The following MSANTD3 variants were observed in gnomAD, a reference collection of about 807,000 sequenced individuals.
MSANTD3 encodes the protein myb/SANT-like DNA-binding domain-containing protein 3.
Under a neutral mutation model 27.7 loss-of-function variants are expected in MSANTD3, and 11 were observed. The observed-to-expected ratio is 0.40, with a 90% CI of 0.25 to 0.66. The LOEUF (loss-of-function observed/expected upper bound fraction) is 0.66. MSANTD3 is among the 30% of genes least tolerant of loss of function. MSANTD3 has a pLI of 0.41. For synonymous variants in MSANTD3, 131 were observed against 127.2 expected, an observed-to-expected ratio of 1.03 and a Z score of -0.20; for missense variants, 250 against 336.5, an observed-to-expected ratio of 0.74 and a Z score of 2.01.
Position 100,442,079 on chromosome 9 carries a change from T to A in MSANTD3, c.141T>A (p.Arg47=). 6.2e-7 allele frequency: 1 copy of A among 1,614,234 alleles called. No homozygotes were observed. Among genetic ancestry groups the A allele is most frequent in the Non-Finnish European group, 8.5e-7 (1 of 1,180,042 alleles). The change falls in exon 2 of 3, where the codon CGT becomes CGA. Residue 47 remains arginine, a synonymous_variant. Transcript: ENST00000395067. ...CGCGAACTATTGCCCTTAAGCAGCG[T>A]ACCTGGCAGGCGCTGGCCCACGAAT... ...SDARTIALKQ[R]TWQALAHEYN... is the part of the protein sequence containing the mutation.
At chr9:100,447,383 A>G (rs528450068) in intron 2 of MSANTD3, among the ~76,000 whole-genome samples, 4 of 151,918 alleles carry the variant, frequency 2.6e-5, no homozygotes, top group African/African-American at 9.6e-5. Context: ...TTTTTCCTTT[A>G]AAATTTGGAT....
intron 2 of MSANTD3, chr9:100,449,081 A>T: frequency 1.0e-6 from 1 of 985,404 alleles, no homozygotes; most frequent in Non-Finnish European, 1.2e-6. Flanking sequence ...ATGTTAATAA[A>T]TTGGCATTGT....
intron 1 of MSANTD3, among the ~76,000 whole-genome samples, chr9:100,434,957 TACAC>T (rs1222099590): frequency 4.7e-5 from 7 of 149,778 alleles, no homozygotes; most frequent in Non-Finnish European, 8.9e-5. Flanking sequence ...TTGTTATATA[TACAC>T]ACACACCATA....
At chr9:100,438,881 T>C (rs910855410) in intron 1 of MSANTD3, among the ~76,000 whole-genome samples, 4 of 152,216 alleles carry the variant, frequency 2.6e-5, no homozygotes, top group Admixed American at 1.3e-4. Context: ...TATCATTGTA[T>C]GGATATTAGA....
At position 100,442,363 on chromosome 9, in the gene MSANTD3, G is replaced by A. The variant is rs201158889; in HGVS notation, c.418+7G>A. 1.1e-3 allele frequency: 1,836 copies of A among 1,604,192 alleles called. 1 individual carries two copies. Among genetic ancestry groups the A allele is most frequent in the Non-Finnish European group, 1.4e-3 (1,677 of 1,175,930 alleles). ...CCCGACGCCTCAGCCCAAGGTATCC[G>A]TTCCTGATGCCAGTGTGCACGCTCT... On this transcript the variant is annotated splice_region_variant and intron_variant, in intron 2 of 2. Transcript: ENST00000395067.
Position 100,442,260 on chromosome 9 carries a change from AAGG to A in MSANTD3, c.325_327del (p.Glu109del). On this transcript the variant is annotated inframe_deletion, in exon 2 of 3. Transcript: ENST00000395067. ...TCTCCTGAGTACCCACGTCCTAGGG[AAGG>A]AGAAGATCGCCAGCATGCTGCCGGA... The A allele has an allele frequency of 6.2e-7, 1 of 1,614,154 alleles. No homozygotes were observed. The highest frequency in any genetic ancestry group is 8.5e-7 in the Non-Finnish European group (1 of 1,180,030).
chr9:100,450,855 A>G lies in MSANTD3; in HGVS notation c.717A>G (p.Ile239Met). 2 of 1,614,182 alleles carry G rather than the reference A, an allele frequency of 1.2e-6. No individual in the cohort carries two copies. Among genetic ancestry groups the G allele is most frequent in the Non-Finnish European group, 1.7e-6 (2 of 1,180,026 alleles). ...ECEMAEEEHR[I>M]KMEVLNKKKM... The stretch of plus-strand genomic sequence containing the variant: ...AGATGGCAGAGGAGGAACACAGGAT[A>G]AAAATGGAAGTTCTCAATAAAAAGA... The change falls in exon 3 of 3, where the codon ATA becomes ATG. Residue 239 changes from isoleucine to methionine, a missense_variant. By Grantham distance (10) the Ile-to-Met change is conservative. This residue lies in a region of MSANTD3 where 235 missense variants were observed against 299.3 expected (regional missense o/e 0.79). Coordinates refer to ENST00000395067, the MANE Select transcript of MSANTD3 (RefSeq NM_080655.3).
rs1836872152 is a variant in MSANTD3, at chr9:100,450,977, G to A, written c.*11G>A. 1 of 1,556,200 alleles carries A rather than the reference G, an allele frequency of 6.4e-7. No individual in the cohort carries two copies. Among genetic ancestry groups the A allele is most frequent in the African/African-American group, 1.4e-5 (1 of 72,824 alleles). On this transcript the variant is annotated 3_prime_UTR_variant, in exon 3 of 3. Transcript: ENST00000395067. ...CCCAATTCGCCCTAAGACTTTGGGG[G>A]TGGCTCTCTTGTAATTAATCTGTGT...
chr9:100,430,744 C>A (rs1022687709), intron 1 of MSANTD3, among the ~76,000 whole-genome samples: 1 of 152,156 alleles, frequency 6.6e-6, no homozygotes, highest in African/African-American at 2.4e-5. Context: ...TAATTAGTTG[C>A]ATGTGATTGA....
intron 1 of MSANTD3, among the ~76,000 whole-genome samples, chr9:100,433,225 A>G (rs1564246875): frequency 6.6e-6 from 1 of 152,164 alleles, no homozygotes; most frequent in Non-Finnish European, 1.5e-5. Context: ...AGTTTCCTCA[A>G]CTGTAAAGTA....
chr9:100,444,926 AT>A, intron 2 of MSANTD3: 1 of 384,026 alleles, frequency 2.6e-6, no homozygotes, highest in Non-Finnish European at 4.7e-6. Flanking sequence ...TTTATTTTAA[AT>A]TGGATGTTTG....
At chr9:100,436,915 C>T (rs190537822) in intron 1 of MSANTD3, among the ~76,000 whole-genome samples, 292 of 152,290 alleles carry the variant, frequency 1.9e-3, no homozygotes, top group African/African-American at 6.8e-3. Flanking sequence ...AATGATTCTC[C>T]TGCCTCAGCC....
intron 2 of MSANTD3, among the ~76,000 whole-genome samples, chr9:100,443,278 A>G (rs1836673122): frequency 6.6e-6 from 1 of 152,128 alleles, no homozygotes; most frequent in Non-Finnish European, 1.5e-5. Context: ...GCATGCCTGT[A>G]ATCCCAGCTA....
At position 100,427,310 on chromosome 9, in the gene MSANTD3, C is replaced by T. The variant is rs1836266965; in HGVS notation, c.-117C>T. 6.8e-6 allele frequency: 1 copy of T among 146,010 alleles called. No individual in the cohort carries two copies. The highest frequency in any genetic ancestry group is 2.0e-4 in the South Asian group (1 of 4,906). 9.0% of individuals were successfully genotyped at this position (146,010 alleles called of 1,614,324 possible). ...GCCCGCGGCCCTCCCGGCCGCCCTG[C>T]TTGCGAGAGGAGCCCAGGCCGCCCG... On this transcript the variant is annotated 5_prime_UTR_variant, in exon 1 of 3. Transcript: ENST00000395067.
chr9:100,441,691 A>T (rs1007542094), intron 1 of MSANTD3, among the ~76,000 whole-genome samples: 7 of 152,218 alleles, frequency 4.6e-5, no homozygotes, highest in Non-Finnish European at 8.8e-5. Context: ...CCAGATAGTC[A>T]CAGTATAGCC....
intron 1 of MSANTD3, among the ~76,000 whole-genome samples, chr9:100,434,461 C>T (rs1416796182): frequency 4.6e-5 from 7 of 152,016 alleles, no homozygotes; most frequent in Admixed American, 3.3e-4. Flanking sequence ...ACCCAGGAGG[C>T]GGAGGTTGCA....
chr9:100,450,765 A>G lies in MSANTD3; in HGVS notation c.627A>G (p.Gln209=), dbSNP rs771144304. The G allele has an allele frequency of 6.2e-7, 1 of 1,614,134 alleles. No homozygotes were observed. Among genetic ancestry groups the G allele is most frequent in the Non-Finnish European group, 8.5e-7 (1 of 1,179,996 alleles). The change falls in exon 3 of 3, where the codon CAA becomes CAG. Residue 209 remains glutamine (Q), a synonymous_variant. Coordinates refer to ENST00000395067, the MANE Select transcript of MSANTD3 (RefSeq NM_080655.3). ...EEHHQQMSIL[Q]LQLIQMNEVH... ...ACCATCAACAAATGTCCATCTTACA[A>G]CTGCAACTGATACAAATGAATGAGG... is the stretch of plus-strand genomic sequence containing the variant.
At chr9:100,432,530 A>G (rs186206236) in intron 1 of MSANTD3, among the ~76,000 whole-genome samples, 4 of 152,374 alleles carry the variant, frequency 2.6e-5, no homozygotes, top group Middle Eastern at 3.4e-3. Context: ...TAAAACATCT[A>G]GCAATAATCA....
chr9:100,450,588 C>T lies in MSANTD3; in HGVS notation c.450C>T (p.Cys150=), dbSNP rs755534896. ...ESFAVSNREL[C]DDEKEFIHFP... ...TTGCTGTTTCAAATAGAGAACTGTG[C>T]GATGATGAGAAAGAGTTCATACATT... is the stretch of plus-strand genomic sequence containing the variant. The change falls in exon 3 of 3, where the codon TGC becomes TGT. Residue 150 remains cysteine, a synonymous_variant. Transcript: ENST00000395067. 24 of 1,587,106 alleles carry T rather than the reference C, an allele frequency of 1.5e-5. No homozygotes were observed. Among genetic ancestry groups the T allele is most frequent in the East Asian group, 4.5e-5 (2 of 44,678 alleles).
Sources: gnomAD v4.1 joint callset for allele counts (sites outside exome capture counted in the v4.1 genomes callset) on GRCh38, gnomAD v4.1.1 for gene constraint, gnomAD v4.1.1 regional missense constraint, MANE v1.5 for transcripts, NCBI Gene and HGNC (gene_info 2026-07-23, HGNC 2026-07-21) for gene names.